The following RGS6 variants were observed in gnomAD, a reference collection of about 807,000 sequenced individuals.
RGS6 encodes regulator of G protein signaling 6.
Under a neutral mutation model 78.5 loss-of-function variants are expected in RGS6, and 30 were observed. The ratio of observed to expected loss-of-function variants is 0.38; its 90% CI spans 0.29 to 0.52. The LOEUF (loss-of-function observed/expected upper bound fraction) is 0.52. RGS6 is among the 20% of genes least tolerant of loss of function. RGS6 has a pLI of 0.85. For synonymous variants in RGS6, 206 were observed against 206.0 expected, an observed-to-expected ratio of 1.00 and a Z score of 0.00; for missense variants, 495 against 609.7, an observed-to-expected ratio of 0.81 and a Z score of 1.98.
At chr14:72,460,921 C>T (rs987514181) in intron 6 of RGS6, among the ~76,000 whole-genome samples, 4 of 151,796 alleles carry the variant, frequency 2.6e-5, no homozygotes, top group Non-Finnish European at 4.4e-5. Flanking sequence ...GGAATACAAG[C>T]GAGTTGTACC....
intron 2 of RGS6, among the ~76,000 whole-genome samples, chr14:72,291,848 G>C (rs2063632594): frequency 6.6e-6 from 1 of 152,168 alleles, no homozygotes; most frequent in Admixed American, 6.5e-5. Flanking sequence ...GAGCGCAATA[G>C]AAAGTTACTA....
chr14:72,460,457 A>G (rs2095748978), intron 6 of RGS6, among the ~76,000 whole-genome samples: 1 of 152,228 alleles, frequency 6.6e-6, no homozygotes, highest in Non-Finnish European at 1.5e-5. Context: ...GGCATAGCCT[A>G]TGTCTGAGGC....
intron 2 of RGS6, among the ~76,000 whole-genome samples, chr14:72,257,214 A>C (rs1218266255): frequency 6.6e-6 from 1 of 152,194 alleles, no homozygotes; most frequent in Non-Finnish European, 1.5e-5. Flanking sequence ...TGTTCTTTGA[A>C]TCACTAAGAT....
intron 6 of RGS6, among the ~76,000 whole-genome samples, chr14:72,460,302 G>A (rs1328721556): frequency 6.6e-5 from 10 of 152,198 alleles, no homozygotes; most frequent in Non-Finnish European, 1.5e-4. Context: ...CTCTGAAGAA[G>A]TTTTATTATC....
the RGS6 span, among the ~76,000 whole-genome samples, chr14:72,617,745 C>A: frequency 6.6e-6 from 1 of 152,172 alleles, no homozygotes; most frequent in Non-Finnish European, 1.5e-5. Context: ...AATACTGCGG[C>A]CGGGCAGAGG....
At position 72,474,670 on chromosome 14, in the gene RGS6, C is replaced by T. The variant is rs143267374; in HGVS notation, c.664C>T (p.Arg222Cys). 6 of 1,613,026 alleles carry T rather than the reference C, an allele frequency of 3.7e-6. No individual in the cohort carries two copies. The highest frequency in any genetic ancestry group is 1.1e-5 in the South Asian group (1 of 90,906). The change falls in exon 10 of 18, where the codon CGT becomes TGT. Residue 222 changes from arginine (R) to cysteine (C), a missense_variant. Transcript: ENST00000553525. ...TTEMDIRKCR[R>C]LKNPQKVKKS... ...AGAAATGGATATCCGAAAATGTCGA[C>T]GTTTGAAGAATCCACAAAAGGTTAA...
At chr14:72,354,231 G>C (rs551768942) in intron 3 of RGS6, among the ~76,000 whole-genome samples, 43 of 152,092 alleles carry the variant, frequency 2.8e-4, no homozygotes, top group Non-Finnish European at 4.6e-4. Context: ...AGTTCTGGAG[G>C]CTGGAAGTCT....
In RGS6 at chr14:72,228,384, A is replaced by AAAT. The variant is rs936295783; in HGVS notation, c.85-123699_85-123697dup. Among the ~76,000 whole-genome samples, 4 of 147,270 alleles carry AAAT rather than the reference A, an allele frequency of 2.7e-5. No homozygotes were observed. The East Asian group carries it at 6.8e-4, about 25-fold the overall frequency. ...CAACAGAGCGAGACTCTGTCTCAAA[A>AAAT]AATAATAATAATAAAATAAAAATAA... is the stretch of plus-strand genomic sequence containing the variant. On this transcript the variant is annotated intron_variant, in intron 2 of 17. Transcript: ENST00000553525.
chr14:72,362,552 A>T (rs2081649073), intron 3 of RGS6, among the ~76,000 whole-genome samples: 1 of 152,072 alleles, frequency 6.6e-6, no homozygotes, highest in Non-Finnish European at 1.5e-5. Context: ...CTTACTCTTA[A>T]ACTCTTAACT....
chr14:72,501,215 A>T (rs28499014), intron 13 of RGS6, among the ~76,000 whole-genome samples: 38,718 of 151,958 alleles, frequency 0.25, 7,952 homozygotes, highest in African/African-American at 0.58. Context: ...GAATATACTG[A>T]GTCTGCCGTG....
chr14:72,400,240 C>T (rs933542419), intron 3 of RGS6, among the ~76,000 whole-genome samples: 1 of 152,198 alleles, frequency 6.6e-6, no homozygotes, highest in Non-Finnish European at 1.5e-5. Flanking sequence ...ATTCAACATT[C>T]TTAAAGAAAA....
At chr14:71,953,530 G>C (rs1291233098) in intron 1 of RGS6, among the ~76,000 whole-genome samples, 2 of 151,894 alleles carry the variant, frequency 1.3e-5, no homozygotes, top group Non-Finnish European at 2.9e-5. Context: ...TTAGCAAAGA[G>C]ATCATATAAA....
Position 72,298,620 on chromosome 14 carries a change from T to A in RGS6, c.85-53475T>A, listed in dbSNP as rs2065377651. On this transcript the variant is annotated intron_variant, in intron 2 of 17. Transcript: ENST00000553525. ...CCACCATGACATCCGGCTAATTTTT[T>A]TGTATTTTTAGTAGAGACGGGGTTT... Among the ~76,000 whole-genome samples, 3 of 151,886 alleles carry A rather than the reference T, an allele frequency of 2.0e-5. No individual in the cohort carries two copies. The South Asian group carries it at 6.3e-4, about 32-fold the overall frequency.
At chr14:72,133,698 C>T (rs1230492829) in intron 2 of RGS6, among the ~76,000 whole-genome samples, 1 of 152,082 alleles carries the variant, frequency 6.6e-6, no homozygotes, top group African/African-American at 2.4e-5. Context: ...TTGTGACTGC[C>T]TCTTCCTCCA....
the RGS6 span, among the ~76,000 whole-genome samples, chr14:72,621,066 G>T: frequency 5.1e-4 from 77 of 151,850 alleles, no homozygotes; most frequent in Non-Finnish European, 9.1e-4. Flanking sequence ...TCTTGAACCC[G>T]GGAGGTGGAG....
chr14:71,879,893 G>A, the RGS6 span, among the ~76,000 whole-genome samples: 4 of 152,320 alleles, frequency 2.6e-5, no homozygotes, highest in East Asian at 7.7e-4. Context: ...AACAGGCAGA[G>A]GTAGGAACAG....
At chr14:72,453,608 T>C in intron 3 of RGS6, among the ~76,000 whole-genome samples, 1 of 83,158 alleles carries the variant, frequency 1.2e-5, no homozygotes, top group African/African-American at 5.6e-5. Flanking sequence ...AGAGCGAGAC[T>C]CCGTCTCAAA....
the RGS6 span, among the ~76,000 whole-genome samples, chr14:72,588,646 T>G: frequency 1.3e-5 from 2 of 152,238 alleles, no homozygotes; most frequent in Non-Finnish European, 2.9e-5. Context: ...CAAAACTTGC[T>G]GGCCTGGAGC....
At chr14:72,629,104 T>A in the RGS6 span, among the ~76,000 whole-genome samples, 5 of 152,330 alleles carry the variant, frequency 3.3e-5, no homozygotes, top group African/African-American at 1.2e-4. Context: ...AATTATTGAT[T>A]TTTTAGCTAT....
Sources: allele counts gnomAD v4.1 joint callset (sites outside exome capture counted in the v4.1 genomes callset), GRCh38; gene constraint gnomAD v4.1.1; transcripts MANE v1.5; gene names NCBI Gene and HGNC (gene_info 2026-07-23, HGNC 2026-07-21).